RERE: variants seen among roughly 807,000 people sequenced by gnomAD.
The protein encoded by RERE is arginine-glutamic acid dipeptide repeats.
RERE carries 40 observed loss-of-function variants against 146.1 expected under a neutral mutation model. That is an observed-to-expected ratio of 0.27 (90% CI 0.21 to 0.36). The LOEUF (loss-of-function observed/expected upper bound fraction) is 0.36. RERE is among the 10% of genes least tolerant of loss of function. The pLI is 1.00. For missense variants in RERE, 1,933 were observed against 2,138.7 expected (o/e 0.90, Z 1.90); for synonymous variants, 1,003 against 866.0 (o/e 1.16, Z -2.78).
chr1:8,606,522 T>C lies in RERE; in HGVS notation c.522+8039A>G, dbSNP rs149944778. On this transcript the variant is annotated intron_variant, in intron 4 of 22. Coordinates refer to ENST00000400908, the MANE Select transcript of RERE (RefSeq NM_001042681.2). ...AGTTTCAATCTCCTCATTTTATGAATGTTTTGGTTACTTCAGCTATTAAGT... is the reference window on the plus strand; with the variant it reads ...AGTTTCAATCTCCTCATTTTATGAACGTTTTGGTTACTTCAGCTATTAAGT... Among the ~76,000 whole-genome samples the C allele has an allele frequency of 3.5e-3, 530 of 152,340 alleles. 3 individuals carry two copies. Among genetic ancestry groups the C allele is most frequent in the African/African-American group, 0.012 (492 of 41,572 alleles).
intron 11 of RERE, among the ~76,000 whole-genome samples, chr1:8,457,155 T>C (rs1229607829): frequency 6.6e-6 from 1 of 152,150 alleles, no homozygotes. Context: ...GAAGGAATCA[T>C]TCTATCTTCA....
At chr1:8,559,320 CAAAAA>C in intron 4 of RERE, among the ~76,000 whole-genome samples, 1 of 83,800 alleles carries the variant, frequency 1.2e-5, no homozygotes, top group South Asian at 4.3e-4. Flanking sequence ...CAAAACAAAA[CAAAAA>C]ACCAAAGTAA....
At chr1:8,387,361 A>G (rs1304921665) in intron 12 of RERE, among the ~76,000 whole-genome samples, 1 of 152,196 alleles carries the variant, frequency 6.6e-6, no homozygotes, top group Non-Finnish European at 1.5e-5. Flanking sequence ...CAAAATTATA[A>G]AACTTTTAGA....
chr1:8,721,637 G>C (rs1639865729), intron 1 of RERE, among the ~76,000 whole-genome samples: 1 of 152,158 alleles, frequency 6.6e-6, no homozygotes, highest in Non-Finnish European at 1.5e-5. Flanking sequence ...ACCTCTTCTG[G>C]TGAGAAGTGA....
intron 1 of RERE, among the ~76,000 whole-genome samples, chr1:8,661,291 CAA>C (rs1334681721): frequency 5.3e-5 from 8 of 151,728 alleles, no homozygotes; most frequent in Non-Finnish European, 1.2e-4. Flanking sequence ...AGGAATAGCA[CAA>C]AAAGGGGGAG....
intron 7 of RERE, among the ~76,000 whole-genome samples, chr1:8,513,715 G>C (rs1645373130): frequency 6.6e-6 from 1 of 152,228 alleles, no homozygotes; most frequent in African/African-American, 2.4e-5. Context: ...GGGAGGCAGA[G>C]GTTGCAGTGA....
At chr1:8,430,923 C>T (rs159962) in intron 11 of RERE, among the ~76,000 whole-genome samples, 45,099 of 152,052 alleles carry the variant, frequency 0.3, 7,046 homozygotes, top group Non-Finnish European at 0.32. Context: ...TAACAGAGTG[C>T]GTGTGAGCTG....
At chr1:8,660,907 T>C (rs542906469) in intron 1 of RERE, among the ~76,000 whole-genome samples, 2 of 152,320 alleles carry the variant, frequency 1.3e-5, no homozygotes, top group South Asian at 2.1e-4. Flanking sequence ...AGTGAACAAA[T>C]GTCAAGTGAA....
chr1:8,636,152 C>G (rs1647099585), intron 2 of RERE, among the ~76,000 whole-genome samples: 1 of 152,148 alleles, frequency 6.6e-6, no homozygotes, highest in Admixed American at 6.5e-5. Flanking sequence ...CAACACCCGG[C>G]TAATTTTGTA....
rs183576853 is a variant in RERE at position 8,623,392 on chromosome 1, G to T, written c.396+918C>A. 1.3e-3 allele frequency among the ~76,000 whole-genome samples: 194 copies of T among 152,202 alleles called. 4 individuals are homozygous for T. The East Asian group carries it at 0.033, about 26-fold the overall frequency. Reference sequence around the variant, plus strand: ...CTTGTTTCCGGGAGGCAGAGGCTGCGGTGAGCCAAGACTGCACCACTGCAC... The same window carrying T: ...CTTGTTTCCGGGAGGCAGAGGCTGCTGTGAGCCAAGACTGCACCACTGCAC... On this transcript the variant is annotated intron_variant, in intron 3 of 22. Transcript: ENST00000400908.
At chr1:8,445,682 AC>A (rs1452398903) in intron 11 of RERE, among the ~76,000 whole-genome samples, 1 of 148,264 alleles carries the variant, frequency 6.7e-6, no homozygotes, top group African/African-American at 2.5e-5. Context: ...CAGGAACCCC[AC>A]CTTTTTTTTT....
chr1:8,560,092 A>G (rs1646060292), intron 4 of RERE, among the ~76,000 whole-genome samples: 1 of 152,220 alleles, frequency 6.6e-6, no homozygotes. Context: ...TATAGAAAAA[A>G]TATATATAAA....
chr1:8,811,155 C>G lies in RERE; in HGVS notation c.-145+6005G>C, dbSNP rs565421282. Reference sequence around the variant, plus strand: ...AGCATAGCCAGGTCCTGCCAGAGAACATTTCCAGTGCCTCCCCAGGCAGTT... The same window carrying G: ...AGCATAGCCAGGTCCTGCCAGAGAAGATTTCCAGTGCCTCCCCAGGCAGTT... On this transcript the variant is annotated intron_variant, in intron 1 of 22. Coordinates refer to ENST00000400908, the MANE Select transcript of RERE (RefSeq NM_001042681.2). Among the ~76,000 whole-genome samples, 388 of 152,266 alleles carry G rather than the reference C, an allele frequency of 2.5e-3. 3 individuals are homozygous for G. Among genetic ancestry groups the G allele is most frequent in the African/African-American group, 8.9e-3 (368 of 41,566 alleles).
At chr1:8,413,489 C>T (rs1209932670) in intron 12 of RERE, among the ~76,000 whole-genome samples, 5 of 151,248 alleles carry the variant, frequency 3.3e-5, no homozygotes, top group Non-Finnish European at 7.4e-5. Context: ...ACTACAGGTG[C>T]GTGTCACCAT....
rs556155281 is a variant in RERE at position 8,365,855 on chromosome 1, G to A, written c.1404C>T (p.Ser468=). The A allele has an allele frequency of 1.9e-6, 3 of 1,614,124 alleles. No individual in the cohort carries two copies. Among genetic ancestry groups the A allele is most frequent in the Admixed American group, 1.7e-5 (1 of 60,022 alleles). Residue 468 remains serine, a synonymous_variant, in exon 13 of 23, where the codon TCC becomes TCT. Transcript: ENST00000400908. ...GTCTGGAGGGTGTGTTGACGGGTGT[G>A]GACGCGGTGCGAGTCTTAATCCTCC... ...VFRRIKTRTA[S]TPVNTPSRPP... is the part of the protein sequence containing the mutation.
At chr1:8,595,594 GAAAC>G (rs1646546626) in intron 4 of RERE, among the ~76,000 whole-genome samples, 2 of 150,920 alleles carry the variant, frequency 1.3e-5, no homozygotes, top group South Asian at 2.1e-4. Context: ...TTTCCCTTCA[GAAAC>G]AAACTGCCAA....
At chr1:8,463,198 GTC>G (rs2124116600) in intron 11 of RERE, among the ~76,000 whole-genome samples, 1 of 152,264 alleles carries the variant, frequency 6.6e-6, no homozygotes, top group African/African-American at 2.4e-5. Flanking sequence ...TATTCAGTCA[GTC>G]TCTCTTCTTC....
intron 4 of RERE, among the ~76,000 whole-genome samples, chr1:8,570,727 T>G (rs934460776): frequency 6.6e-6 from 1 of 152,232 alleles, no homozygotes; most frequent in East Asian, 1.9e-4. Flanking sequence ...GGCTGGTCTC[T>G]GAGATGAAGT....
At position 8,624,361 on chromosome 1, in the gene RERE, A is replaced by G; in HGVS notation, c.345T>C (p.Ser115=). 6.2e-7 allele frequency: 1 copy of G among 1,610,788 alleles called. No individual in the cohort carries two copies. Among genetic ancestry groups the G allele is most frequent in the Non-Finnish European group, 8.5e-7 (1 of 1,178,870 alleles). Residue 115 remains serine, a synonymous_variant, in exon 3 of 23, where the codon AGT becomes AGC. Coordinates refer to ENST00000400908, the MANE Select transcript of RERE (RefSeq NM_001042681.2). ...TGAAATACGGTGTGTTTGGCCTCCG[A>G]CTCTCGATATACACACAGTCTTTAA... The part of the protein sequence containing the change: ...YRPGDCVYIE[S]RRPNTPYFIC...
Sources: gnomAD v4.1 joint callset for allele counts (sites outside exome capture counted in the v4.1 genomes callset) on GRCh38, gnomAD v4.1.1 for gene constraint, MANE v1.5 for transcripts, NCBI Gene and HGNC (gene_info 2026-07-23, HGNC 2026-07-21) for gene names.